Variants in SLC2A13 observed in about 807,000 individuals in gnomAD.
SLC2A13 encodes solute carrier family 2 member 13.
In SLC2A13, 32 loss-of-function variants were observed where a neutral mutation model predicts 64.4. The observed-to-expected ratio is 0.50, with a 90% confidence interval of 0.37 to 0.67. The LOEUF is 0.67. Among genes scored for constraint, SLC2A13 ranks in the 30% least tolerant of loss-of-function variants. The probability of loss-of-function intolerance (pLI) is 0.00; values close to 1 mark genes in which losing one functional copy is unlikely to be tolerated. For missense variants in SLC2A13, 743 were observed against 829.2 expected (o/e 0.90, Z 1.28); for synonymous variants, 338 against 327.1 (o/e 1.03, Z -0.36).
At chr12:39,929,785 G>C (rs544607388) in intron 4 of SLC2A13, among the ~76,000 whole-genome samples, 70 of 152,122 alleles carry the variant, frequency 4.6e-4, no homozygotes, top group Non-Finnish European at 9.1e-4. Flanking sequence ...CCACTGAAAA[G>C]TATGCAGAAA....
Position 39,801,427 on chromosome 12 carries a change from A to G in SLC2A13, c.1445+28676T>C, listed in dbSNP as rs568582523. Among the ~76,000 whole-genome samples the G allele has an allele frequency of 2.0e-5, 3 of 151,948 alleles. No individual in the cohort carries two copies. In the South Asian group the frequency reaches 6.2e-4, roughly 32 times the overall value. ...AACATAAAGCAAACAGCCATAAACA[A>G]AAGAGAGTTTTCCCAGAGAAAATGA... On this transcript the variant is annotated intron_variant, in intron 7 of 9. Coordinates refer to ENST00000280871, the MANE Select transcript of SLC2A13 (RefSeq NM_052885.4).
intron 1 of SLC2A13, among the ~76,000 whole-genome samples, chr12:40,063,278 A>G (rs1355472905): frequency 6.6e-6 from 1 of 152,132 alleles, no homozygotes; most frequent in African/African-American, 2.4e-5. Flanking sequence ...TTTTGAAGAT[A>G]AAGGATAGAC....
At chr12:39,928,745 A>G (rs993892019) in intron 4 of SLC2A13, among the ~76,000 whole-genome samples, 1 of 152,208 alleles carries the variant, frequency 6.6e-6, no homozygotes, top group Non-Finnish European at 1.5e-5. Context: ...GAAGCTTTGG[A>G]CAGTGGAAAG....
intron 4 of SLC2A13, among the ~76,000 whole-genome samples, chr12:39,918,785 T>G (rs1029228751): frequency 3.3e-5 from 5 of 151,250 alleles, no homozygotes; most frequent in African/African-American, 4.9e-5. Flanking sequence ...TTCCAGCTAC[T>G]TGGGAGGCTG....
In SLC2A13 at chr12:40,073,963, C is replaced by A. The variant is rs570496173; in HGVS notation, c.557-25753G>T. 3.6e-4 allele frequency among the ~76,000 whole-genome samples: 54 copies of A among 152,028 alleles called. 2 individuals carry two copies. The South Asian group carries it at 0.011, about 30-fold the overall frequency. On this transcript the variant is annotated intron_variant, in intron 1 of 9. Transcript: ENST00000280871. ...TATTGCTTCAAATATTTCTTCTTTT[C>A]CTTTCTCTCTTCCTGATATTTCTTT...
At chr12:40,096,875 C>T (rs1938961425) in intron 1 of SLC2A13, among the ~76,000 whole-genome samples, 1 of 152,088 alleles carries the variant, frequency 6.6e-6, no homozygotes, top group African/African-American at 2.4e-5. Flanking sequence ...TCATTGCTAG[C>T]ACATTAAATA....
intron 6 of SLC2A13, among the ~76,000 whole-genome samples, chr12:39,838,922 C>T (rs1189290197): frequency 1.3e-5 from 2 of 152,058 alleles, no homozygotes; most frequent in Non-Finnish European, 2.9e-5. Context: ...AAATGCCTGT[C>T]TCTAGAATGC....
chr12:40,009,262 T>C (rs1042173826), intron 3 of SLC2A13, among the ~76,000 whole-genome samples: 1 of 152,194 alleles, frequency 6.6e-6, no homozygotes, highest in Non-Finnish European at 1.5e-5. Flanking sequence ...TGAATTTATT[T>C]ATTGTTAACT....
intron 4 of SLC2A13, among the ~76,000 whole-genome samples, chr12:39,895,796 G>A (rs1257170133): frequency 7.9e-5 from 5 of 63,604 alleles, no homozygotes; most frequent in South Asian, 4.4e-4. Context: ...GTACACACAT[G>A]TATATGCGTG....
At chr12:40,031,370 G>A (rs867125143) in intron 2 of SLC2A13, among the ~76,000 whole-genome samples, 5 of 152,068 alleles carry the variant, frequency 3.3e-5, no homozygotes, top group South Asian at 4.2e-4. Flanking sequence ...CTACAGGTGC[G>A]TGCCACCACG....
At chr12:39,779,589 C>G (rs1020035540) in intron 7 of SLC2A13, among the ~76,000 whole-genome samples, 2 of 152,062 alleles carry the variant, frequency 1.3e-5, no homozygotes, top group African/African-American at 4.8e-5. Flanking sequence ...ACTTTTTTTG[C>G]TTCCCATTAG....
At chr12:39,845,423 T>C (rs183599896) in intron 6 of SLC2A13, among the ~76,000 whole-genome samples, 1 of 152,276 alleles carries the variant, frequency 6.6e-6, no homozygotes, top group Non-Finnish European at 1.5e-5. Context: ...TATCATATTA[T>C]AAGTGTTTCA....
At chr12:40,051,795 C>T (rs999677913) in intron 1 of SLC2A13, among the ~76,000 whole-genome samples, 6 of 152,148 alleles carry the variant, frequency 3.9e-5, no homozygotes, top group Middle Eastern at 3.5e-3. Flanking sequence ...GGATCAACCA[C>T]AGTGTAAAGG....
chr12:39,759,787 C>CTAATA lies in SLC2A13; in HGVS notation c.*238_*239insTATTA. ...GACTATTTCAGGAAGGCATTACACA[C>CTAATA]ATTTGCTTAAGAATTATTAGATTAA... On this transcript the variant is annotated 3_prime_UTR_variant, in exon 10 of 10. Coordinates refer to ENST00000280871, the MANE Select transcript of SLC2A13 (RefSeq NM_052885.4). 2 of 474,476 alleles carry CTAATA rather than the reference C, an allele frequency of 4.2e-6. No homozygotes were observed. Among genetic ancestry groups the CTAATA allele is most frequent in the Non-Finnish European group, 7.5e-6 (2 of 267,212 alleles). 29.4% of individuals were successfully genotyped at this position (474,476 alleles called of 1,614,324 possible).
chr12:39,947,088 T>A (rs1048878544), intron 4 of SLC2A13, among the ~76,000 whole-genome samples: 1 of 152,168 alleles, frequency 6.6e-6, no homozygotes, highest in Non-Finnish European at 1.5e-5. Flanking sequence ...CTCAGCTCTC[T>A]AACTTGACTC....
At chr12:40,005,911 C>A (rs865793472) in intron 3 of SLC2A13, among the ~76,000 whole-genome samples, 1 of 152,160 alleles carries the variant, frequency 6.6e-6, no homozygotes, top group African/African-American at 2.4e-5. Context: ...AAGCTTCCAA[C>A]GTAAGGCCCT....
intron 3 of SLC2A13, among the ~76,000 whole-genome samples, chr12:39,987,865 T>A (rs1947056843): frequency 6.6e-6 from 1 of 152,152 alleles, no homozygotes; most frequent in African/African-American, 2.4e-5. Flanking sequence ...TAAAAATAAC[T>A]TTTGAAATAT....
chr12:39,858,124 T>A (rs1236820894), intron 6 of SLC2A13, among the ~76,000 whole-genome samples: 1 of 152,202 alleles, frequency 6.6e-6, no homozygotes, highest in Non-Finnish European at 1.5e-5. Flanking sequence ...TCTTGTATCC[T>A]TCCATGACAG....
chr12:40,097,467 A>G (rs781254119), intron 1 of SLC2A13, among the ~76,000 whole-genome samples: 9 of 152,340 alleles, frequency 5.9e-5, no homozygotes, highest in Admixed American at 1.3e-4. Flanking sequence ...TGCAAATCAT[A>G]TATCTGATAG....
Sources: gnomAD v4.1 joint callset for allele counts (sites outside exome capture counted in the v4.1 genomes callset) on GRCh38, gnomAD v4.1.1 for gene constraint, MANE v1.5 for transcripts, NCBI Gene and HGNC (gene_info 2026-07-23, HGNC 2026-07-21) for gene names.